EPHA5: variants seen among roughly 807,000 people sequenced by gnomAD.
The protein encoded by EPHA5 is ephrin type-A receptor 5.
In EPHA5, 60 loss-of-function variants were observed where a neutral mutation model predicts 105.0. That is an observed-to-expected ratio of 0.57 (90% CI 0.46 to 0.71). EPHA5 has a LOEUF of 0.71. Among genes scored for constraint, EPHA5 ranks in the 30% least tolerant of loss-of-function variants. The pLI is 0.00. For missense variants in EPHA5, 1,218 were observed against 1,274.7 expected, an observed-to-expected ratio of 0.96 and a Z score of 0.68; for synonymous variants, 513 against 449.1, an observed-to-expected ratio of 1.14 and a Z score of -1.80.
At chr4:65,369,609 T>C (rs187925304) in intron 8 of EPHA5, among the ~76,000 whole-genome samples, 10 of 152,268 alleles carry the variant, frequency 6.6e-5, no homozygotes, top group East Asian at 1.9e-4. Context: ...CATTTTACAA[T>C]GTGTAACTAC....
At chr4:65,487,488 C>A (rs1730990341) in intron 5 of EPHA5, among the ~76,000 whole-genome samples, 1 of 152,144 alleles carries the variant, frequency 6.6e-6, no homozygotes, top group African/African-American at 2.4e-5. Flanking sequence ...GATTCCTAAC[C>A]TCCCCAATGG....
chr4:65,532,097 T>C (rs911894481), intron 3 of EPHA5, among the ~76,000 whole-genome samples: 1 of 152,160 alleles, frequency 6.6e-6, no homozygotes, highest in African/African-American at 2.4e-5. Flanking sequence ...GTGATTATCC[T>C]TATCTTAATA....
At chr4:65,404,689 C>T (rs1322265820) in intron 7 of EPHA5, among the ~76,000 whole-genome samples, 1 of 152,106 alleles carries the variant, frequency 6.6e-6, no homozygotes, top group East Asian at 1.9e-4. Context: ...GATTTGAGAG[C>T]ATCACTAAGT....
intron 8 of EPHA5, among the ~76,000 whole-genome samples, chr4:65,392,011 G>A (rs1720763505): frequency 6.6e-6 from 1 of 152,080 alleles, no homozygotes. Flanking sequence ...GCTCAATAGT[G>A]GATGTTCAAT....
chr4:65,544,557 T>C (rs1456428441), intron 3 of EPHA5, among the ~76,000 whole-genome samples: 1 of 151,730 alleles, frequency 6.6e-6, no homozygotes, highest in African/African-American at 2.4e-5. Flanking sequence ...GAATGGCAAT[T>C]ATTAAAAAGT....
chr4:65,531,911 ACATAAGC>A (rs1233009381), intron 3 of EPHA5, among the ~76,000 whole-genome samples: 1 of 152,222 alleles, frequency 6.6e-6, no homozygotes, highest in African/African-American at 2.4e-5. Flanking sequence ...TCTAATGAAT[ACATAAGC>A]CTATCTCAAA....
chr4:65,420,648 T>C, intron 5 of EPHA5, 83 bp from the exon 6 acceptor site: 1 of 1,298,274 alleles, frequency 7.7e-7, no homozygotes, highest in Non-Finnish European at 1.0e-6. Context: ...TATATTGGCA[T>C]TTTGAGAACG....
At chr4:65,408,431 A>G (rs189952199) in intron 7 of EPHA5, among the ~76,000 whole-genome samples, 46 of 152,240 alleles carry the variant, frequency 3.0e-4, no homozygotes, top group African/African-American at 1.1e-3. Flanking sequence ...TATTGAAGCA[A>G]TGTAACACAT....
intron 10 of EPHA5, 47 bp downstream of exon 10, chr4:65,365,885 G>A (rs2148891730): frequency 1.3e-6 from 2 of 1,577,814 alleles, no homozygotes; most frequent in Non-Finnish European, 1.7e-6. Flanking sequence ...ATTACATTCT[G>A]GAATGCAAAC....
intron 7 of EPHA5, among the ~76,000 whole-genome samples, chr4:65,413,082 T>C (rs1452509863): frequency 6.6e-6 from 1 of 152,114 alleles, no homozygotes; most frequent in Non-Finnish European, 1.5e-5. Context: ...CCTACATCCC[T>C]TTTAGTTTCA....
In EPHA5 at chr4:65,365,175, C is replaced by G. The variant is rs756849899; in HGVS notation, c.2015G>C (p.Arg672Pro). 1 of 1,610,540 alleles carries G rather than the reference C, an allele frequency of 6.2e-7. No individual in the cohort carries two copies. Among genetic ancestry groups the G allele is most frequent in the Non-Finnish European group, 8.5e-7 (1 of 1,177,824 alleles). The change falls in exon 11 of 17, where the codon CGT (arginine) becomes CCT (proline). Residue 672 changes from arginine to proline, a missense_variant. Arg to Pro is a moderately radical substitution (Grantham distance 103). Around this residue, in one of 3 missense-constraint regions of EPHA5, gnomAD observed 971 missense variants for 1,013.5 expected, o/e 0.96. Coordinates refer to ENST00000613740, the MANE Select transcript of EPHA5 (RefSeq NM_001281766.3). ...AGEFGEVCSGRLKLPGKRELP... is the reference protein window; with the variant it reads ...AGEFGEVCSGPLKLPGKRELP... ...TTCTCTTTTTCCTGGTAGTTTCAAA[C>G]GTCCACTACAAACTTCACCAAATTC...
chr4:65,354,877 A>G (rs1226594089), intron 11 of EPHA5, among the ~76,000 whole-genome samples: 2 of 151,866 alleles, frequency 1.3e-5, no homozygotes, highest in Admixed American at 1.3e-4. Flanking sequence ...TTATCTTCTT[A>G]TAAAATACTC....
chr4:65,455,381 G>A (rs969158325), intron 5 of EPHA5, among the ~76,000 whole-genome samples: 2 of 152,302 alleles, frequency 1.3e-5, no homozygotes, highest in Admixed American at 1.3e-4. Context: ...GCAAACAGCT[G>A]GACATCAGGC....
intron 2 of EPHA5, among the ~76,000 whole-genome samples, chr4:65,617,885 G>A (rs1484618193): frequency 6.6e-6 from 1 of 152,116 alleles, no homozygotes; most frequent in Non-Finnish European, 1.5e-5. Flanking sequence ...AGAGGTCTCA[G>A]AAGATTATAA....
intron 1 of EPHA5, among the ~76,000 whole-genome samples, chr4:65,654,469 G>A (rs1748888135): frequency 6.6e-6 from 1 of 151,346 alleles, no homozygotes; most frequent in Admixed American, 6.6e-5. Flanking sequence ...TCTAAGCCTT[G>A]GGGATAGATA....
intron 2 of EPHA5, among the ~76,000 whole-genome samples, chr4:65,610,533 T>G: frequency 6.6e-6 from 1 of 151,880 alleles, no homozygotes; most frequent in East Asian, 1.9e-4. Flanking sequence ...AATAGAAGAA[T>G]AAACAAATTA....
chr4:65,608,771 T>C (rs1371044565), intron 2 of EPHA5, among the ~76,000 whole-genome samples: 1 of 152,170 alleles, frequency 6.6e-6, no homozygotes, highest in East Asian at 1.9e-4. Context: ...TACTGCAGAA[T>C]AAACTGCATC....
At chr4:65,468,496 C>T (rs1322035083) in intron 5 of EPHA5, among the ~76,000 whole-genome samples, 3 of 141,374 alleles carry the variant, frequency 2.1e-5, no homozygotes, top group East Asian at 4.0e-4. Context: ...GGTATGTATA[C>T]ACACACACAC....
chr4:65,525,552 C>T (rs1319489045), intron 3 of EPHA5, among the ~76,000 whole-genome samples: 5 of 151,810 alleles, frequency 3.3e-5, no homozygotes, highest in Admixed American at 1.3e-4. Context: ...ACCTACTGCA[C>T]CCATTGGAAC....
Sources: gnomAD v4.1 joint callset for allele counts (sites outside exome capture counted in the v4.1 genomes callset) on GRCh38, gnomAD v4.1.1 for gene constraint, gnomAD v4.1.1 regional missense constraint, MANE v1.5 for transcripts, NCBI Gene and HGNC (gene_info 2026-07-23, HGNC 2026-07-21) for gene names.